ERBB4: variants seen among roughly 807,000 people sequenced by gnomAD.
The protein encoded by ERBB4 is receptor tyrosine-protein kinase erbB-4.
Under a neutral mutation model 158.0 loss-of-function variants are expected in ERBB4, and 42 were observed. The observed-to-expected ratio is 0.27, with a 90% CI of 0.21 to 0.34. The LOEUF (loss-of-function observed/expected upper bound fraction) is 0.34. ERBB4 is among the 10% of genes least tolerant of loss of function. ERBB4 has a pLI of 1.00. For synonymous variants in ERBB4, 583 were observed against 558.7 expected (o/e 1.04, Z -0.61); for missense variants, 1,333 against 1,624.1 (o/e 0.82, Z 3.08).
At chr2:212,468,025 G>T (rs1328032564) in intron 1 of ERBB4, among the ~76,000 whole-genome samples, 2 of 152,148 alleles carry the variant, frequency 1.3e-5, no homozygotes, top group African/African-American at 4.8e-5. Context: ...ATATGCCTGG[G>T]TCCTGTAGCC....
intron 3 of ERBB4, among the ~76,000 whole-genome samples, chr2:211,927,856 G>C (rs2080061843): frequency 6.6e-6 from 1 of 151,872 alleles, no homozygotes; most frequent in Admixed American, 6.6e-5. Context: ...TACTTAATTA[G>C]CATAGCAAAT....
At chr2:211,821,163 A>G (rs995329893) in intron 3 of ERBB4, among the ~76,000 whole-genome samples, 3 of 151,880 alleles carry the variant, frequency 2.0e-5, no homozygotes, top group Non-Finnish European at 4.4e-5. Context: ...AGACTACCAA[A>G]AAACTTAGGA....
intron 3 of ERBB4, among the ~76,000 whole-genome samples, chr2:211,822,491 T>C (rs1355710982): frequency 6.6e-6 from 1 of 151,998 alleles, no homozygotes; most frequent in Non-Finnish European, 1.5e-5. Context: ...CTGATGGAGT[T>C]GCAATAACTT....
chr2:211,671,871 T>C (rs924006062), intron 14 of ERBB4, among the ~76,000 whole-genome samples: 1 of 152,166 alleles, frequency 6.6e-6, no homozygotes, highest in African/African-American at 2.4e-5. Context: ...ACACTGTTAG[T>C]TAATTGTATT....
chr2:211,599,511 T>TTGTGTGTGTGTGTGTGTGTGTG (rs201810389), intron 19 of ERBB4, among the ~76,000 whole-genome samples: 44 of 20,842 alleles, frequency 2.1e-3, no homozygotes, highest in South Asian at 3.0e-3. Flanking sequence ...AAATAATTTC[T>TTGTGTGTGTGTGTGTGTGTGTG]TCTGTGTGTG....
chr2:212,052,821 T>C (rs1293088883), intron 2 of ERBB4, among the ~76,000 whole-genome samples: 1 of 152,220 alleles, frequency 6.6e-6, no homozygotes. Context: ...GTGACATTTC[T>C]TCTCCTGCTA....
intron 1 of ERBB4, among the ~76,000 whole-genome samples, chr2:212,477,796 T>C (rs769552538): frequency 2.6e-5 from 4 of 152,068 alleles, no homozygotes; most frequent in Non-Finnish European, 4.4e-5. Context: ...GAAAACAATA[T>C]GGTCATATGG....
chr2:212,057,345 C>T (rs568290931), intron 2 of ERBB4, among the ~76,000 whole-genome samples: 22 of 152,190 alleles, frequency 1.4e-4, no homozygotes, highest in East Asian at 5.8e-4. Context: ...ACTTTAACAC[C>T]GCACTGTCAA....
At chr2:212,230,041 T>C (rs1466408675) in intron 1 of ERBB4, among the ~76,000 whole-genome samples, 1 of 152,084 alleles carries the variant, frequency 6.6e-6, no homozygotes, top group African/African-American at 2.4e-5. Flanking sequence ...TCCAAGCACT[T>C]TGGGAGGCTG....
chr2:211,525,517 T>A (rs1295557515), intron 20 of ERBB4, among the ~76,000 whole-genome samples: 1 of 152,100 alleles, frequency 6.6e-6, no homozygotes, highest in African/African-American at 2.4e-5. Flanking sequence ...AAAGAGCCCT[T>A]GGGCCCTGAA....
At chr2:211,720,811 G>T (rs1323619941) in intron 7 of ERBB4, among the ~76,000 whole-genome samples, 4 of 152,152 alleles carry the variant, frequency 2.6e-5, no homozygotes, top group Non-Finnish European at 5.9e-5. Context: ...TCTTCTCTAT[G>T]ATGTTGCATA....
chr2:211,777,363 C>G (rs928783233), intron 4 of ERBB4: 1 of 152,140 alleles, frequency 6.6e-6, no homozygotes, highest in Non-Finnish European at 1.5e-5. Context: ...TCCTAGCCTA[C>G]TCCTCAATCA....
chr2:212,397,492 A>AAAGG (rs35938197), intron 1 of ERBB4, among the ~76,000 whole-genome samples: 23,024 of 145,724 alleles, frequency 0.16, 2,224 homozygotes, highest in South Asian at 0.24. Context: ...AGAAAGAAAA[A>AAAGG]AAGGAAGGAA....
At chr2:212,509,563 A>T (rs750212782) in intron 1 of ERBB4, among the ~76,000 whole-genome samples, 2 of 151,986 alleles carry the variant, frequency 1.3e-5, no homozygotes. Flanking sequence ...ATTACCTGTA[A>T]ATAATTTAAT....
At chr2:212,354,147 A>C (rs1248020690) in intron 1 of ERBB4, among the ~76,000 whole-genome samples, 1 of 152,100 alleles carries the variant, frequency 6.6e-6, no homozygotes, top group Non-Finnish European at 1.5e-5. Context: ...GATATTTGTA[A>C]TTAGTCTTTT....
intron 3 of ERBB4, among the ~76,000 whole-genome samples, chr2:211,900,793 C>T (rs2079214522): frequency 1.3e-5 from 2 of 152,110 alleles, no homozygotes; most frequent in South Asian, 2.1e-4. Flanking sequence ...TAGATACTGG[C>T]AATGCCTCCT....
In ERBB4 at chr2:212,314,658, C is replaced by T. The variant is rs547840512; in HGVS notation, c.83-189755G>A. On this transcript the variant is annotated intron_variant, in intron 1 of 27. Transcript: ENST00000342788. ...ATTTAGAATTAAAAACTAATTAGCA[C>T]GTGAATTTACTTATTGCTTAAGTTA... Among the ~76,000 whole-genome samples, 18 of 150,570 alleles carry T rather than the reference C, an allele frequency of 1.2e-4. No individual in the cohort carries two copies. In the East Asian group the frequency reaches 3.2e-3, roughly 26 times the overall value.
At chr2:211,418,340 C>CTATT (rs1160405510) in intron 25 of ERBB4, among the ~76,000 whole-genome samples, 1 of 152,052 alleles carries the variant, frequency 6.6e-6, no homozygotes, top group African/African-American at 2.4e-5. Flanking sequence ...AGACTGAAAA[C>CTATT]TATTAGGACA....
At chr2:211,634,968 G>A (rs1354269424) in intron 16 of ERBB4, among the ~76,000 whole-genome samples, 1 of 152,148 alleles carries the variant, frequency 6.6e-6, no homozygotes, top group Non-Finnish European at 1.5e-5. Context: ...CACCACTCCA[G>A]GCCTTGAATG....
Sources: allele counts gnomAD v4.1 joint callset (sites outside exome capture counted in the v4.1 genomes callset), GRCh38; gene constraint gnomAD v4.1.1; transcripts MANE v1.5; gene names NCBI Gene and HGNC (gene_info 2026-07-23, HGNC 2026-07-21).